Variants in GPC5 observed in about 807,000 individuals in gnomAD.
The protein encoded by GPC5 is glypican 5.
A neutral mutation model predicts 53.9 loss-of-function variants in GPC5; 47 were observed. The ratio of observed to expected loss-of-function variants is 0.87; its 90% CI spans 0.69 to 1.11. The LOEUF is 1.11. GPC5 is among the 50% of genes most tolerant of loss of function. The pLI is 0.00. For missense variants in GPC5, 748 were observed against 713.1 expected, an observed-to-expected ratio of 1.05 and a Z score of -0.56; for synonymous variants, 286 against 263.3, an observed-to-expected ratio of 1.09 and a Z score of -0.84.
chr13:92,710,616 C>T (rs999817031), intron 7 of GPC5, among the ~76,000 whole-genome samples: 1 of 152,158 alleles, frequency 6.6e-6, no homozygotes, highest in Non-Finnish European at 1.5e-5. Context: ...CAAATTTTAG[C>T]ATGCATGGAA....
intron 5 of GPC5, among the ~76,000 whole-genome samples, chr13:91,802,324 T>G (rs2138779586): frequency 6.6e-6 from 1 of 152,040 alleles, no homozygotes; most frequent in South Asian, 2.1e-4. Context: ...CTCTTAAAGG[T>G]GGCGCATCAG....
intron 7 of GPC5, among the ~76,000 whole-genome samples, chr13:92,810,049 T>C (rs1877238217): frequency 6.6e-6 from 1 of 152,100 alleles, no homozygotes; most frequent in South Asian, 2.1e-4. Flanking sequence ...CTTATATTGG[T>C]ATCACATAAT....
chr13:92,739,683 G>T (rs1032838997), intron 7 of GPC5, among the ~76,000 whole-genome samples: 2 of 149,076 alleles, frequency 1.3e-5, no homozygotes, highest in African/African-American at 5.0e-5. Context: ...AACATCCCTA[G>T]GATTGCTGTT....
chr13:91,560,887 G>A (rs746819671), intron 2 of GPC5, among the ~76,000 whole-genome samples: 15 of 152,140 alleles, frequency 9.9e-5, no homozygotes, highest in Admixed American at 2.0e-4. Context: ...TCAATTCAAT[G>A]GCACAGAACT....
intron 7 of GPC5, among the ~76,000 whole-genome samples, chr13:92,342,712 C>T (rs1425883224): frequency 6.6e-6 from 1 of 151,958 alleles, no homozygotes; most frequent in African/African-American, 2.4e-5. Context: ...ATAAATGATT[C>T]CTTGAAAAAT....
At chr13:92,556,675 G>C (rs1882505457) in intron 7 of GPC5, among the ~76,000 whole-genome samples, 1 of 151,710 alleles carries the variant, frequency 6.6e-6, no homozygotes, top group Non-Finnish European at 1.5e-5. Context: ...TTTTTTTAAT[G>C]TAGTAATTTT....
intron 2 of GPC5, among the ~76,000 whole-genome samples, chr13:91,454,997 T>C (rs1196993351): frequency 6.6e-6 from 1 of 152,112 alleles, no homozygotes; most frequent in East Asian, 1.9e-4. Flanking sequence ...ATTTGGGAGA[T>C]TACAACTAGT....
chr13:91,770,575 C>G (rs943793597), intron 5 of GPC5, among the ~76,000 whole-genome samples: 8 of 152,122 alleles, frequency 5.3e-5, no homozygotes, highest in African/African-American at 1.7e-4. Context: ...GCTCCTATCA[C>G]TCAGGAAATT....
At chr13:91,970,068 T>C (rs2040226691) in intron 6 of GPC5, among the ~76,000 whole-genome samples, 1 of 152,094 alleles carries the variant, frequency 6.6e-6, no homozygotes, top group African/African-American at 2.4e-5. Flanking sequence ...ATACACACAA[T>C]GGAAAACTAT....
At chr13:92,211,532 A>C (rs1593999714) in intron 7 of GPC5, among the ~76,000 whole-genome samples, 1 of 152,164 alleles carries the variant, frequency 6.6e-6, no homozygotes, top group African/African-American at 2.4e-5. Context: ...GCAGTTTGTA[A>C]CCTTTCTCTG....
intron 2 of GPC5, among the ~76,000 whole-genome samples, chr13:91,610,899 A>C (rs1026877337): frequency 6.6e-6 from 1 of 152,150 alleles, no homozygotes; most frequent in Non-Finnish European, 1.5e-5. Flanking sequence ...AGTGTCATCT[A>C]AGATTCTGCA....
chr13:92,306,020 C>A (rs1259127991), intron 7 of GPC5, among the ~76,000 whole-genome samples: 1 of 152,132 alleles, frequency 6.6e-6, no homozygotes, highest in Admixed American at 6.5e-5. Flanking sequence ...AGTACGTGGA[C>A]TGAGAAGAGC....
intron 7 of GPC5, among the ~76,000 whole-genome samples, chr13:92,643,441 G>A (rs1198935050): frequency 3.5e-4 from 52 of 147,784 alleles, no homozygotes; most frequent in African/African-American, 1.0e-3. Flanking sequence ...TGTTTATTGC[G>A]GCATTATTCA....
intron 7 of GPC5, among the ~76,000 whole-genome samples, chr13:92,513,039 C>T (rs955841232): frequency 2.3e-4 from 35 of 152,306 alleles, no homozygotes; most frequent in African/African-American, 6.5e-4. Context: ...GATGCTCAGC[C>T]GAGCAGCAGG....
chr13:91,596,220 T>G (rs746598172), intron 2 of GPC5, among the ~76,000 whole-genome samples: 74 of 152,306 alleles, frequency 4.9e-4, no homozygotes, highest in Non-Finnish European at 8.1e-4. Context: ...TTTTCATTCT[T>G]ATAATTTTAA....
intron 2 of GPC5, among the ~76,000 whole-genome samples, chr13:91,639,295 A>G (rs1007196428): frequency 1.6e-4 from 24 of 152,232 alleles, no homozygotes; most frequent in African/African-American, 5.8e-4. Flanking sequence ...TTGATTATGA[A>G]GTCTGGGACA....
chr13:91,787,605 TA>T (rs2037899447), intron 5 of GPC5, among the ~76,000 whole-genome samples: 1 of 152,174 alleles, frequency 6.6e-6, no homozygotes, highest in Admixed American at 6.5e-5. Flanking sequence ...GATTGGGATG[TA>T]AAGAGGCAAG....
chr13:91,428,165 C>T (rs1415916799), intron 1 of GPC5, among the ~76,000 whole-genome samples: 1 of 152,146 alleles, frequency 6.6e-6, no homozygotes, highest in Non-Finnish European at 1.5e-5. Flanking sequence ...GTGAGTGTTA[C>T]AGCTCCTTCA....
intron 5 of GPC5, among the ~76,000 whole-genome samples, chr13:91,853,437 A>G (rs1224071757): frequency 2.6e-5 from 4 of 151,974 alleles, no homozygotes; most frequent in Non-Finnish European, 5.9e-5. Context: ...AAAAGTGATT[A>G]CTCTGCCCTT....
Sources: gnomAD v4.1 joint callset for allele counts (sites outside exome capture counted in the v4.1 genomes callset) on GRCh38, gnomAD v4.1.1 for gene constraint, MANE v1.5 for transcripts, NCBI Gene and HGNC (gene_info 2026-07-23, HGNC 2026-07-21) for gene names.